Variants in CHRNB3 observed in about 807,000 individuals in gnomAD.
CHRNB3 encodes cholinergic receptor nicotinic beta 3 subunit, also known as neuronal acetylcholine receptor subunit beta-3.
In CHRNB3, 37 loss-of-function variants were observed where a neutral mutation model predicts 40.6. The observed-to-expected ratio is 0.91, with a 90% confidence interval of 0.70 to 1.20. The LOEUF is 1.20. Ranked by LOEUF, CHRNB3 falls within the 50% of genes most tolerant of loss-of-function variation. The probability of loss-of-function intolerance (pLI) is 0.00; values close to 1 mark genes in which losing one functional copy is unlikely to be tolerated. For synonymous variants in CHRNB3, 207 were observed against 207.1 expected, an observed-to-expected ratio of 1.00 and a Z score of 0.00; for missense variants, 505 against 551.2, an observed-to-expected ratio of 0.92 and a Z score of 0.84.
At chr8:42,733,648 G>A (rs944797795) in intron 5 of CHRNB3, among the ~76,000 whole-genome samples, 2 of 139,334 alleles carry the variant, frequency 1.4e-5, no homozygotes, top group Non-Finnish European at 1.5e-5. Context: ...GTTGGAGTGC[G>A]GTGGTGTGAT....
At chr8:42,711,977 TTTTG>T (rs1044304015) in intron 3 of CHRNB3, among the ~76,000 whole-genome samples, 19 of 151,974 alleles carry the variant, frequency 1.3e-4, no homozygotes, top group African/African-American at 3.9e-4. Context: ...TTCTAAAGTT[TTTTG>T]TTTGTTTGTT....
At chr8:42,725,676 C>G in intron 3 of CHRNB3, 7 of 961,434 alleles carry the variant, frequency 7.3e-6, no homozygotes, top group Non-Finnish European at 1.2e-5. Flanking sequence ...ACAAGAACCA[C>G]GAGATCTCCT....
At chr8:42,736,387 C>G (rs1293423751) in intron 5 of CHRNB3, 97 bp from the exon 6 acceptor site, 2 of 1,429,542 alleles carry the variant, frequency 1.4e-6, no homozygotes, top group East Asian at 4.6e-5. Context: ...TAAGTAAATG[C>G]TATAAATCTG....
intron 3 of CHRNB3, 45 bp from the exon 4 acceptor site, chr8:42,730,549 C>T (rs1816388415): frequency 8.5e-7 from 1 of 1,170,832 alleles, no homozygotes; most frequent in Non-Finnish European, 1.2e-6. Flanking sequence ...AGATCTAATA[C>T]ATTGAACTTT....
intron 1 of CHRNB3, among the ~76,000 whole-genome samples, chr8:42,705,297 C>T (rs1313581822): frequency 6.6e-6 from 1 of 152,216 alleles, no homozygotes; most frequent in African/African-American, 2.4e-5. Context: ...GGGGGAATGC[C>T]TGTTGGGCAG....
At chr8:42,725,065 C>T (rs144672590) in intron 3 of CHRNB3, among the ~76,000 whole-genome samples, 8,550 of 151,072 alleles carry the variant, frequency 0.057, 319 homozygotes, top group Middle Eastern at 0.1. Flanking sequence ...ACATAAGCTA[C>T]TGTCTTTTCT....
intron 4 of CHRNB3, among the ~76,000 whole-genome samples, chr8:42,731,171 T>C (rs1816411339): frequency 6.6e-6 from 1 of 151,972 alleles, no homozygotes; most frequent in African/African-American, 2.4e-5. Context: ...GAATAGAAAA[T>C]TCTGATTCAG....
At chr8:42,702,215 C>T (rs905973003) in intron 1 of CHRNB3, among the ~76,000 whole-genome samples, 33 of 152,148 alleles carry the variant, frequency 2.2e-4, no homozygotes, top group Middle Eastern at 3.2e-3. Context: ...TTCACATTCG[C>T]TCTCTGCCTC....
At chr8:42,724,914 C>T (rs759158971) in intron 3 of CHRNB3, among the ~76,000 whole-genome samples, 5 of 150,650 alleles carry the variant, frequency 3.3e-5, no homozygotes, top group African/African-American at 1.2e-4. Context: ...ACCCGGGAGG[C>T]GGAGGTTGCA....
At chr8:42,726,334 C>A in intron 3 of CHRNB3, 1 of 533,700 alleles carries the variant, frequency 1.9e-6, no homozygotes. Context: ...TTGCAAATGA[C>A]ATAATTGTCT....
At chr8:42,734,931 T>G (rs1019414668) in intron 5 of CHRNB3, among the ~76,000 whole-genome samples, 1 of 151,866 alleles carries the variant, frequency 6.6e-6, no homozygotes, top group African/African-American at 2.4e-5. Context: ...TTAAAAACAC[T>G]AATACAGGGC....
At chr8:42,715,976 C>CCTTT (rs1554590400) in intron 3 of CHRNB3, among the ~76,000 whole-genome samples, 2,547 of 124,114 alleles carry the variant, frequency 0.021, 86 homozygotes, top group African/African-American at 0.069. Context: ...TTAAACTGAC[C>CCTTT]TTTTTTTTTT....
At chr8:42,730,908 C>T (rs1003223614) in intron 4 of CHRNB3, among the ~76,000 whole-genome samples, 2 of 146,472 alleles carry the variant, frequency 1.4e-5, no homozygotes, top group Non-Finnish European at 3.0e-5. Context: ...ATTAGCCGGG[C>T]GCGGTGGCGG....
At position 42,724,610 on chromosome 8, in the gene CHRNB3, A is replaced by G. The variant is rs904538968; in HGVS notation, c.250-5984A>G. On this transcript the variant is annotated intron_variant, in intron 3 of 5. Coordinates refer to ENST00000289957, the MANE Select transcript of CHRNB3 (RefSeq NM_000749.5). ...ATTTACCACCATTAAACTCTAGGATAGAAGATGCAGCAAAGCAGGACTCCT... is the reference window on the plus strand; with the variant it reads ...ATTTACCACCATTAAACTCTAGGATGGAAGATGCAGCAAAGCAGGACTCCT... Among the ~76,000 whole-genome samples, 5 of 152,154 alleles carry G rather than the reference A, an allele frequency of 3.3e-5. 1 individual carries two copies. The highest frequency in any genetic ancestry group is 1.2e-4 in the African/African-American group (5 of 41,410).
Position 42,736,668 on chromosome 8 carries a change from T to G in CHRNB3, c.*50T>G, listed in dbSNP as rs781506959. On this transcript the variant is annotated 3_prime_UTR_variant, in exon 6 of 6. Coordinates refer to ENST00000289957, the MANE Select transcript of CHRNB3 (RefSeq NM_000749.5). The stretch of plus-strand genomic sequence containing the variant: ...TTACACCTTAGACCTGACATCTGGC[T>G]ATCACACAGACAGAATCCAAATGCA... The G allele has an allele frequency of 1.2e-6, 2 of 1,606,688 alleles. No individual in the cohort carries two copies. The highest frequency in any genetic ancestry group is 2.2e-5 in the South Asian group (2 of 90,492).
chr8:42,702,117 C>T (rs1221889103), intron 1 of CHRNB3, among the ~76,000 whole-genome samples: 1 of 152,128 alleles, frequency 6.6e-6, no homozygotes, highest in Non-Finnish European at 1.5e-5. Context: ...TCTCCCAGAG[C>T]CTGTCCCAGC....
intron 5 of CHRNB3, among the ~76,000 whole-genome samples, chr8:42,733,250 C>A (rs537669792): frequency 6.6e-6 from 1 of 151,362 alleles, no homozygotes; most frequent in South Asian, 2.1e-4. Context: ...TGACTTGAGG[C>A]CAGAATTGAG....
intron 3 of CHRNB3, among the ~76,000 whole-genome samples, chr8:42,712,859 CTTT>C (rs567650103): frequency 8.7e-6 from 1 of 114,748 alleles, no homozygotes; most frequent in Admixed American, 1.1e-4. Context: ...CCACTGCTCT[CTTT>C]TTTTTTTTTT....
At chr8:42,726,480 CTTT>C (rs60852168) in intron 3 of CHRNB3, among the ~76,000 whole-genome samples, 24 of 133,330 alleles carry the variant, frequency 1.8e-4, no homozygotes, top group Non-Finnish European at 1.2e-4. Context: ...AATTAAATGA[CTTT>C]TTTTTTTTTT....
Sources: allele counts gnomAD v4.1 joint callset (sites outside exome capture counted in the v4.1 genomes callset), GRCh38; gene constraint gnomAD v4.1.1; transcripts MANE v1.5; gene names NCBI Gene and HGNC (gene_info 2026-07-23, HGNC 2026-07-21).